ADPRHL1: variants seen among roughly 807,000 people sequenced by gnomAD.
The protein encoded by ADPRHL1 is ADP-ribosylhydrolase like 1.
In ADPRHL1, 43 loss-of-function variants were observed where a neutral mutation model predicts 44.1. That is an observed-to-expected ratio of 0.98 (90% confidence interval 0.76 to 1.26). The LOEUF (loss-of-function observed/expected upper bound fraction) is 1.26, where lower values mean the gene tolerates loss of function less well. Ranked by LOEUF, ADPRHL1 falls within the 50% of genes most tolerant of loss-of-function variation. The pLI is 0.00. For synonymous variants in ADPRHL1, 878 were observed against 1,017.4 expected (o/e 0.86, Z 2.61); for missense variants, 2,022 against 2,496.9 (o/e 0.81, Z 4.05).
intron 7 of ADPRHL1, among the ~76,000 whole-genome samples, chr13:113,415,044 C>T (rs893973668): frequency 5.9e-5 from 9 of 152,066 alleles, no homozygotes; most frequent in East Asian, 1.9e-4. Context: ...TCAGGGAGGG[C>T]GACACCTCCC....
At chr13:113,439,884 T>C (rs1245657301) in intron 2 of ADPRHL1, among the ~76,000 whole-genome samples, 1 of 152,266 alleles carries the variant, frequency 6.6e-6, no homozygotes, top group Non-Finnish European at 1.5e-5. Flanking sequence ...AAATTGTGAA[T>C]AATATTCCCT....
chr13:113,422,851 G>C lies in ADPRHL1; in HGVS notation c.1036C>G (p.Leu346Val), dbSNP rs1016210258. The stretch of plus-strand genomic sequence containing the variant: ...TTCTCCTCTGTGGACAGGCGGTAGA[G>C]AGCCGCGCCCAGGTCCTCCAGCTTC... Reference protein sequence around the residue: ...KEKLEDLGAALYRLSTEENRK... With the variant: ...KEKLEDLGAAVYRLSTEENRK... Residue 346 changes from leucine to valine, a missense_variant, in exon 7 of 8, where the codon CTC (leucine) becomes GTC (valine). Coordinates refer to ENST00000612156, the MANE Select transcript of ADPRHL1 (RefSeq NM_001394807.1). 2 of 1,612,910 alleles carry C rather than the reference G, an allele frequency of 1.2e-6. No homozygotes were observed. The highest frequency in any genetic ancestry group is 1.7e-6 in the Non-Finnish European group (2 of 1,179,988).
At chr13:113,423,780 G>A (rs1468549518) in intron 6 of ADPRHL1, among the ~76,000 whole-genome samples, 1 of 152,238 alleles carries the variant, frequency 6.6e-6, no homozygotes, top group South Asian at 2.1e-4. Flanking sequence ...CACAGTCTGC[G>A]ACTTTGCACA....
intron 4 of ADPRHL1, 30 bp from the exon 5 acceptor site, chr13:113,425,209 AC>A: frequency 7.1e-7 from 1 of 1,406,684 alleles, no homozygotes; most frequent in South Asian, 1.1e-5. Context: ...GGAGCTGAAC[AC>A]AATGGCATCC....
At position 113,403,525 on chromosome 13, in the gene ADPRHL1, C is replaced by T. The variant is rs2043779052; in HGVS notation, c.5757G>A (p.Arg1919=). The T allele has an allele frequency of 1.6e-6, 2 of 1,231,924 alleles. No homozygotes were observed. The highest frequency in any genetic ancestry group is 4.2e-5 in the Admixed American group (1 of 23,706). The allele number at this position is 1,231,924 out of a possible 1,614,324, so 76.3% of individuals were successfully genotyped here. ...GACGCTCGGGCTCCGATGCCTCCAT[C>T]CTGTCCTGCAGGGCCCTCTCAGCCC... ...HPGAERALQD[R]MEASEPERRG... is the part of the protein sequence containing the mutation. Residue 1919 remains arginine, a synonymous_variant, in exon 8 of 8, where the codon AGG becomes AGA. Coordinates refer to ENST00000612156, the MANE Select transcript of ADPRHL1 (RefSeq NM_001394807.1).
Position 113,400,011 on chromosome 13 carries a change from T to C in ADPRHL1, c.*3367A>G, listed in dbSNP as rs9604098. ...GCACCCACAGACCTGCGGCTCACAGTGGGCCTGTCGACAGCCGGAGGCACC... is the reference window on the plus strand; with the variant it reads ...GCACCCACAGACCTGCGGCTCACAGCGGGCCTGTCGACAGCCGGAGGCACC... On this transcript the variant is annotated 3_prime_UTR_variant, in exon 8 of 8. Transcript: ENST00000612156. 0.76 allele frequency: 114,593 copies of C among 151,676 alleles called. 43,863 individuals carry two copies. Among genetic ancestry groups the C allele is most frequent in the East Asian group, 0.93 (4,826 of 5,180 alleles). 9.4% of individuals were successfully genotyped at this position (151,676 alleles called of 1,614,324 possible). A position where few individuals can be genotyped will look rare whatever the true frequency, so the allele number is the denominator to read the frequency against.
At chr13:113,435,282 A>G (rs2044043855) in intron 2 of ADPRHL1, among the ~76,000 whole-genome samples, 1 of 90,048 alleles carries the variant, frequency 1.1e-5, no homozygotes, top group African/African-American at 4.8e-5. Flanking sequence ...CCACGCATAG[A>G]GTGAACATAG....
At position 113,429,230 on chromosome 13, in the gene ADPRHL1, C is replaced by T. The variant is rs962420595; in HGVS notation, c.506-138G>A. 4.0e-5 allele frequency: 47 copies of T among 1,181,816 alleles called. No individual in the cohort carries two copies. The African/African-American group carries it at 6.1e-4, about 15-fold the overall frequency. The allele number at this position is 1,181,816 out of a possible 1,614,324, so 73.2% of individuals were successfully genotyped here. ...CTTTCCCATGTTCAGGTGCACAGTT[C>T]GGCGGCATTAACCACGTTCACACTG... On this transcript the variant is annotated intron_variant, in intron 3 of 7. Coordinates refer to ENST00000612156, the MANE Select transcript of ADPRHL1 (RefSeq NM_001394807.1).
Position 113,407,206 on chromosome 13 carries a change from C to A in ADPRHL1, c.2076G>T (p.Gln692His), listed in dbSNP as rs183538088. 19 of 1,232,268 alleles carry A rather than the reference C, an allele frequency of 1.5e-5. No homozygotes were observed. In the East Asian group the frequency reaches 5.4e-4, roughly 35 times the overall value. The allele number at this position is 1,232,268 out of a possible 1,614,324, so 76.3% of individuals were successfully genotyped here. A position where few individuals can be genotyped will look rare whatever the true frequency, so the allele number is the denominator to read the frequency against. ...CGTGGCCGTCCCTCTGAGCCATCAC[C>A]TGGGGTGTCACGGGCTTCGAGGGCC... Reference protein sequence around the residue: ...QPRPSKPVTPQVMAQRDGHAV... With the variant: ...QPRPSKPVTPHVMAQRDGHAV... The change falls in exon 8 of 8, where the codon CAG becomes CAT. Residue 692 changes from glutamine (Q) to histidine (H), a missense_variant. By Grantham distance (24) the Gln-to-His change is conservative. Around this residue, in one of 8 missense-constraint regions of ADPRHL1, gnomAD observed 1,221 missense variants for 1,517.8 expected, o/e 0.80. Coordinates refer to ENST00000612156, the MANE Select transcript of ADPRHL1 (RefSeq NM_001394807.1).
At chr13:113,424,687 T>TCCACCCAACCAC (rs2043951902) in intron 5 of ADPRHL1, among the ~76,000 whole-genome samples, 1 of 129,128 alleles carries the variant, frequency 7.7e-6, no homozygotes, top group Admixed American at 8.3e-5. Flanking sequence ...CATTCATCTA[T>TCCACCCAACCAC]CCACCCATCC....
rs1017985376 is a variant in ADPRHL1 at position 113,407,731 on chromosome 13, C to T, written c.1551G>A (p.Ala517=). The T allele has an allele frequency of 7.3e-6, 9 of 1,232,024 alleles. No homozygotes were observed. Among genetic ancestry groups the T allele is most frequent in the East Asian group, 3.2e-5 (1 of 31,726 alleles). 76.3% of individuals were successfully genotyped at this position (1,232,024 alleles called of 1,614,324 possible). A position where few individuals can be genotyped will look rare whatever the true frequency, so the allele number is the denominator to read the frequency against. Residue 517 remains alanine, a synonymous_variant, in exon 8 of 8, where the codon GCG becomes GCA. Coordinates refer to ENST00000612156, the MANE Select transcript of ADPRHL1 (RefSeq NM_001394807.1). Reference sequence around the variant, plus strand: ...GCTTCTCGCGTGCTTCTTTCTCCTTCGCCTCCTTCTCCTCGGCGGCCAAGA... The same window carrying T: ...GCTTCTCGCGTGCTTCTTTCTCCTTTGCCTCCTTCTCCTCGGCGGCCAAGA... The part of the protein sequence containing the change: ...KIFLAAEEKE[A]KEKEAREKPP...
rs2043959192 is a variant in ADPRHL1, at chr13:113,425,169, C to T, written c.657G>A (p.Glu219=). ...KTIRHTAEYQ[E]HWFYFEAKWQ... ...ATTTAGCTTCAAAGTAAAACCAGTG[C>T]TCCTGGTATTCTAAACATAAAGAAC... Residue 219 remains glutamate (E), a synonymous_variant, in exon 5 of 8, where the codon GAG becomes GAA. Coordinates refer to ENST00000612156, the MANE Select transcript of ADPRHL1 (RefSeq NM_001394807.1). The T allele has an allele frequency of 1.2e-6, 2 of 1,606,398 alleles. No homozygotes were observed. Among genetic ancestry groups the T allele is most frequent in the East Asian group, 2.3e-5 (1 of 44,420 alleles).
chr13:113,446,537 ACTCACAGCATTGTCTACT>A (rs755825358), intron 1 of ADPRHL1, among the ~76,000 whole-genome samples: 16 of 150,560 alleles, frequency 1.1e-4, no homozygotes, highest in Non-Finnish European at 2.1e-4. Flanking sequence ...CGTTGTCTAT[ACTCACAGCATTGTCTACT>A]CTCACGGTGT....
intron 7 of ADPRHL1, among the ~76,000 whole-genome samples, chr13:113,415,277 C>A (rs1048951994): frequency 6.6e-6 from 1 of 152,154 alleles, no homozygotes; most frequent in Admixed American, 6.5e-5. Context: ...AACGCCTGCC[C>A]GCGATGTGGT....
At position 113,453,119 on chromosome 13, in the gene ADPRHL1, T is replaced by C; in HGVS notation, c.214+105A>G. 7.8e-7 allele frequency: 1 copy of C among 1,277,052 alleles called. No homozygotes were observed. The highest frequency in any genetic ancestry group is 1.1e-6 in the Non-Finnish European group (1 of 905,374). 79.1% of individuals were successfully genotyped at this position (1,277,052 alleles called of 1,614,324 possible). A position where few individuals can be genotyped will look rare whatever the true frequency, so the allele number is the denominator to read the frequency against. On this transcript the variant is annotated intron_variant, in intron 1 of 7. Transcript: ENST00000612156. The surrounding 1 kb of genome is among the most constrained non-coding windows in gnomAD (Gnocchi z 5.4). The stretch of plus-strand genomic sequence containing the variant: ...AGCGGTATCAGGTAACACCATCCGC[T>C]GAAGGACCGCACTGCCTTCAAAGCT...
chr13:113,428,520 C>T (rs956498496), intron 4 of ADPRHL1, among the ~76,000 whole-genome samples: 3 of 152,228 alleles, frequency 2.0e-5, no homozygotes, highest in African/African-American at 7.2e-5. Context: ...GCTGTCCCTG[C>T]CTCTGGCCAG....
rs911209180 is a variant in ADPRHL1, at chr13:113,449,163, G to T, written c.214+4061C>A. On this transcript the variant is annotated intron_variant, in intron 1 of 7. Transcript: ENST00000612156. ...GTGCCCTGTTCAGAGAGGCTCACCC[G>T]GAAGGAGGCAGCCCCAGTCAGAGAG... 1.5e-5 allele frequency: 15 copies of T among 1,021,022 alleles called. No homozygotes were observed. The African/African-American group carries it at 2.5e-4, about 17-fold the overall frequency. The allele number at this position is 1,021,022 out of a possible 1,614,324, so 63.2% of individuals were successfully genotyped here.
intron 4 of ADPRHL1, among the ~76,000 whole-genome samples, chr13:113,426,684 T>G (rs542188077): frequency 3.3e-5 from 5 of 152,222 alleles, no homozygotes; most frequent in Admixed American, 1.3e-4. Flanking sequence ...AAATTGGAAG[T>G]GAAAGACGCA....
intron 1 of ADPRHL1, among the ~76,000 whole-genome samples, chr13:113,447,157 A>C (rs2044146492): frequency 7.9e-6 from 1 of 126,646 alleles, no homozygotes. Context: ...CATGGCGTCT[A>C]CACTCACGGT....
Sources: allele counts gnomAD v4.1 joint callset (sites outside exome capture counted in the v4.1 genomes callset), GRCh38; gene constraint gnomAD v4.1.1; regional missense constraint gnomAD v4.1.1; non-coding constraint Gnocchi (gnomAD v3.1); transcripts MANE v1.5; gene names NCBI Gene and HGNC (gene_info 2026-07-23, HGNC 2026-07-21).